PSMC1: variants seen among roughly 807,000 people sequenced by gnomAD.
PSMC1 encodes 26S proteasome regulatory subunit 4.
A neutral mutation model predicts 49.8 loss-of-function variants in PSMC1; 5 were observed. The observed-to-expected ratio is 0.10, with a 90% CI of 0.05 to 0.21. PSMC1 has a LOEUF of 0.21. PSMC1 is among the 10% of genes least tolerant of loss of function. PSMC1 has a pLI of 1.00. For missense variants in PSMC1, 181 were observed against 535.7 expected, an observed-to-expected ratio of 0.34 and a Z score of 6.54; for synonymous variants, 155 against 192.1, an observed-to-expected ratio of 0.81 and a Z score of 1.60.
At position 90,268,332 on chromosome 14, in the gene PSMC1, T is replaced by G; in HGVS notation, c.800T>G (p.Val267Gly). The change falls in exon 8 of 11, where the codon GTA becomes GGA. Residue 267 changes from valine (V) to glycine (G), a missense_variant. By Grantham distance (109) the Val-to-Gly change is moderately radical (BLOSUM62 -3). This residue lies in a region of PSMC1 where 121 missense variants were observed against 358.6 expected (regional missense o/e 0.34). Coordinates refer to ENST00000261303, the MANE Select transcript of PSMC1 (RefSeq NM_002802.3). ...QKYLGDGPKL[V>G]RELFRVAEEH... ...TACCTAGGTGATGGGCCCAAACTCGTACGGGAATTGTTCCGAGTTGCTGAA... is the reference window on the plus strand; with the variant it reads ...TACCTAGGTGATGGGCCCAAACTCGGACGGGAATTGTTCCGAGTTGCTGAA... The G allele has an allele frequency of 6.2e-7, 1 of 1,613,516 alleles. No homozygotes were observed. The highest frequency in any genetic ancestry group is 8.5e-7 in the Non-Finnish European group (1 of 1,179,448).
rs1491397403 is a variant in PSMC1, at chr14:90,274,838, A to ACACACACACACACACC, written c.*2432_*2433insACACACACACACACCC. The ACACACACACACACACC allele has an allele frequency of 1.2e-4, 8 of 67,218 alleles. No individual in the cohort carries two copies. The highest frequency in any genetic ancestry group is 3.8e-4 in the South Asian group (1 of 2,654). The allele number at this position is 67,218 out of a possible 1,614,324, so 4.2% of individuals were successfully genotyped here. ...CACACACACACACACACACACACACACCCCAATACATATGAATTGATCTGA... is the reference window on the plus strand; with the variant it reads ...CACACACACACACACACACACACACACACACACACACACACCCCCCAATACATATGAATTGATCTGA... On this transcript the variant is annotated 3_prime_UTR_variant, in exon 11 of 11. Transcript: ENST00000261303.
Position 90,269,479 on chromosome 14 carries a change from A to C in PSMC1, c.964A>C (p.Arg322=), listed in dbSNP as rs771089758. ...GAACCAGTTGGATGGATTTGATTCT[A>C]GGGGAGATGTGAAAGTTATCATGGC... is the stretch of plus-strand genomic sequence containing the variant. ...LLNQLDGFDS[R]GDVKVIMATN... is the part of the protein sequence containing the mutation. The change falls in exon 9 of 11, where the codon AGG becomes CGG. Residue 322 remains arginine (R), a synonymous_variant. Coordinates refer to ENST00000261303, the MANE Select transcript of PSMC1 (RefSeq NM_002802.3). 7 of 1,613,512 alleles carry C rather than the reference A, an allele frequency of 4.3e-6. No individual in the cohort carries two copies. The East Asian group carries it at 1.3e-4, about 31-fold the overall frequency.
intron 5 of PSMC1, 93 bp from the exon 6 acceptor site, chr14:90,263,948 C>A: frequency 6.3e-7 from 1 of 1,583,040 alleles, no homozygotes; most frequent in Admixed American, 1.8e-5. Flanking sequence ...AAGCACTCCT[C>A]AGGCAGAAGG....
intron 2 of PSMC1, among the ~76,000 whole-genome samples, chr14:90,259,562 T>C (rs1434435269): frequency 3.9e-5 from 6 of 152,212 alleles, no homozygotes; most frequent in African/African-American, 1.4e-4. Context: ...TAACCCTCTA[T>C]ACCTTATTGG....
At chr14:90,256,746 C>T in intron 1 of PSMC1, 146 bp downstream of exon 1, 2 of 1,333,438 alleles carry the variant, frequency 1.5e-6, no homozygotes, top group African/African-American at 1.5e-5. Context: ...CGGGTGGAGG[C>T]TCCCAGAGAC....
At chr14:90,271,147 T>A (rs745781123) in intron 10 of PSMC1, 1 of 152,232 alleles carries the variant, frequency 6.6e-6, no homozygotes, top group Non-Finnish European at 1.5e-5. Context: ...AGTTAACATT[T>A]TACCTGTTTG....
intron 3 of PSMC1, 113 bp from the exon 4 acceptor site, chr14:90,263,205 T>C: frequency 2.6e-6 from 3 of 1,150,890 alleles, no homozygotes; most frequent in Non-Finnish European, 3.7e-6. Context: ...CCAAACTGAA[T>C]TTTTCTGAAG....
intron 7 of PSMC1, 33 bp from the exon 8 acceptor site, chr14:90,268,191 C>CTTT (rs34247505): frequency 3.7e-5 from 48 of 1,303,826 alleles, no homozygotes; most frequent in East Asian, 7.8e-5. Context: ...CTTAAGGTGT[C>CTTT]TTTTTTTTTT....
chr14:90,258,222 G>A (rs7150378), intron 1 of PSMC1, among the ~76,000 whole-genome samples: 83,837 of 151,994 alleles, frequency 0.55, 23,788 homozygotes, highest in Middle Eastern at 0.72. Context: ...GGGTAATGAT[G>A]GTACCAGTGT....
chr14:90,259,971 G>T (rs1891365914), intron 2 of PSMC1, 144 bp from the exon 3 acceptor site: 2 of 513,922 alleles, frequency 3.9e-6, no homozygotes, highest in Non-Finnish European at 6.8e-6. Flanking sequence ...GCAGGAATGT[G>T]AAACAAGTCA....
chr14:90,268,183 T>G, intron 7 of PSMC1, 41 bp from the exon 8 acceptor site: 1 of 1,476,680 alleles, frequency 6.8e-7, no homozygotes, highest in South Asian at 1.3e-5. Flanking sequence ...AAATGGCACT[T>G]AAGGTGTCTT....
intron 7 of PSMC1, 33 bp from the exon 8 acceptor site, chr14:90,268,191 C>CTTTTTTTTT: frequency 7.7e-7 from 1 of 1,303,802 alleles, no homozygotes; most frequent in Middle Eastern, 2.8e-4. Flanking sequence ...CTTAAGGTGT[C>CTTTTTTTTT]TTTTTTTTTT....
chr14:90,262,701 T>C (rs1334038658), intron 3 of PSMC1, among the ~76,000 whole-genome samples: 10 of 151,934 alleles, frequency 6.6e-5, no homozygotes, highest in Non-Finnish European at 1.0e-4. Flanking sequence ...GGAGAATCGC[T>C]TGAACCCAGG....
At chr14:90,259,773 C>T (rs1289097792) in intron 2 of PSMC1, among the ~76,000 whole-genome samples, 1 of 152,044 alleles carries the variant, frequency 6.6e-6, no homozygotes, top group Non-Finnish European at 1.5e-5. Flanking sequence ...AGGTGCCTGC[C>T]ACCACACCCG....
chr14:90,263,623 G>A lies in PSMC1; in HGVS notation c.280-39G>A, dbSNP rs780995246. 17 of 1,599,024 alleles carry A rather than the reference G, an allele frequency of 1.1e-5. No homozygotes were observed. The South Asian group carries it at 1.1e-4, about 10-fold the overall frequency. On this transcript the variant is annotated intron_variant, in intron 4 of 10. Transcript: ENST00000261303. ...AACTATCAGGATCATCTACTTTGAG[G>A]TCTAGTCTGCTTTTTTCCCTTGGCA... is the stretch of plus-strand genomic sequence containing the variant.
Position 90,273,150 on chromosome 14 carries a change from G to C in PSMC1, c.*743G>C, listed in dbSNP as rs888315613. 4 of 152,210 alleles carry C rather than the reference G, an allele frequency of 2.6e-5. No individual in the cohort carries two copies. The highest frequency in any genetic ancestry group is 9.7e-5 in the African/African-American group (4 of 41,434). 9.4% of individuals were successfully genotyped at this position (152,210 alleles called of 1,614,324 possible). On this transcript the variant is annotated 3_prime_UTR_variant, in exon 11 of 11. Coordinates refer to ENST00000261303, the MANE Select transcript of PSMC1 (RefSeq NM_002802.3). ...AAAGCTATTAAGTGGGACAGATCAA[G>C]GTAAGCGTTCCCTTGACAGGTGGCC...
intron 7 of PSMC1, among the ~76,000 whole-genome samples, chr14:90,266,027 G>A (rs904689234): frequency 2.6e-5 from 4 of 152,058 alleles, no homozygotes; most frequent in South Asian, 2.1e-4. Flanking sequence ...AGGTCAAGGC[G>A]GATGGATGAC....
At chr14:90,271,977 C>T (rs1891681023) in intron 10 of PSMC1, 1 of 243,398 alleles carries the variant, frequency 4.1e-6, no homozygotes, top group African/African-American at 2.4e-5. Context: ...ACTGTAACCT[C>T]TGCCTCCCGG....
At position 90,263,323 on chromosome 14, in the gene PSMC1, C is replaced by T; in HGVS notation, c.160C>T (p.Pro54Ser). Residue 54 changes from proline (P) to serine (S), a missense_variant, in exon 4 of 11, where the codon CCT (proline) becomes TCT (serine). Physicochemically the swap from Pro to Ser is moderately conservative, Grantham distance 74 (BLOSUM62 -1). Coordinates refer to ENST00000261303, the MANE Select transcript of PSMC1 (RefSeq NM_002802.3). The part of the protein sequence containing the change: ...DAASKLPLVT[P>S]HTQCRLKLLK... ...ACTTTATATTTAAATTTCAGTGACA[C>T]CTCACACTCAGTGCCGGTTAAAATT... 1 of 1,593,340 alleles carries T rather than the reference C, an allele frequency of 6.3e-7. No homozygotes were observed. Among genetic ancestry groups the T allele is most frequent in the Non-Finnish European group, 8.5e-7 (1 of 1,173,812 alleles).
Sources: allele counts gnomAD v4.1 joint callset (sites outside exome capture counted in the v4.1 genomes callset), GRCh38; gene constraint gnomAD v4.1.1; regional missense constraint gnomAD v4.1.1; transcripts MANE v1.5; gene names NCBI Gene and HGNC (gene_info 2026-07-23, HGNC 2026-07-21).